The following INPP5A variants were observed in gnomAD, a reference collection of about 807,000 sequenced individuals.
The protein encoded by INPP5A is inositol polyphosphate-5-phosphatase A.
A neutral mutation model predicts 65.2 loss-of-function variants in INPP5A; 14 were observed. The ratio of observed to expected loss-of-function variants is 0.21; its 90% CI spans 0.14 to 0.34. INPP5A has a LOEUF of 0.34. INPP5A is among the 10% of genes least tolerant of loss of function. The pLI, the probability that INPP5A is intolerant of heterozygous loss-of-function variation, is 1.00. For missense variants in INPP5A, 431 were observed against 545.6 expected (o/e 0.79, Z 2.09); for synonymous variants, 207 against 208.3 (o/e 0.99, Z 0.05).
intron 3 of INPP5A, among the ~76,000 whole-genome samples, chr10:132,648,380 G>A (rs1043685014): frequency 3.3e-5 from 5 of 152,372 alleles, no homozygotes; most frequent in South Asian, 2.1e-4. Context: ...AATGTACAGC[G>A]TTATGATTTT....
chr10:132,775,114 G>C (rs867342736), intron 12 of INPP5A, among the ~76,000 whole-genome samples: 2 of 44,238 alleles, frequency 4.5e-5, no homozygotes, highest in Admixed American at 2.5e-4. Flanking sequence ...GCAGGGAGGA[G>C]GGGCAGGGAG....
At chr10:132,581,642 G>A (rs1268514981) in intron 1 of INPP5A, among the ~76,000 whole-genome samples, 1 of 152,162 alleles carries the variant, frequency 6.6e-6, no homozygotes, top group Non-Finnish European at 1.5e-5. Context: ...GGATTAAGGA[G>A]GTGAGCATCT....
chr10:132,570,676 T>G (rs915907935), intron 1 of INPP5A, among the ~76,000 whole-genome samples: 3 of 152,184 alleles, frequency 2.0e-5, no homozygotes, highest in Non-Finnish European at 4.4e-5. Flanking sequence ...ACTTTTTTTT[T>G]TTTGTAAGAA....
intron 9 of INPP5A, among the ~76,000 whole-genome samples, chr10:132,735,491 G>A (rs1025418483): frequency 1.3e-5 from 2 of 152,226 alleles, no homozygotes; most frequent in African/African-American, 2.4e-5. Context: ...GGCGGTGTTG[G>A]TACGAAGGGA....
rs911044751 is a variant in INPP5A at position 132,707,648 on chromosome 10, C to T, written c.475-665C>T. ...CCTCCATGCCATCTCGAGGGGAGCC[C>T]TGCCACCTCTTAAAGAACACCCCTC... On this transcript the variant is annotated intron_variant, in intron 6 of 15. Coordinates refer to ENST00000368594, the MANE Select transcript of INPP5A (RefSeq NM_005539.5). This position sits in a 1 kb window ranked among gnomAD's most constrained non-coding sequence, Gnocchi z 5.5. Among the ~76,000 whole-genome samples, 2 of 152,190 alleles carry T rather than the reference C, an allele frequency of 1.3e-5. No homozygotes were observed. The highest frequency in any genetic ancestry group is 2.9e-5 in the Non-Finnish European group (2 of 68,032).
rs1253826189 is a variant in INPP5A at position 132,663,871 on chromosome 10, C to G, written c.306+13366C>G. On this transcript the variant is annotated intron_variant, in intron 4 of 15. Coordinates refer to ENST00000368594, the MANE Select transcript of INPP5A (RefSeq NM_005539.5). The surrounding 1 kb of genome is among the most constrained non-coding windows in gnomAD (Gnocchi z 4.5). ...CTCCCCCTGTCGCCGGGTGGGAAAT[C>G]CGTAACAGGCTCTGTGGCAAAGGCT... Among the ~76,000 whole-genome samples the G allele has an allele frequency of 2.0e-5, 3 of 152,198 alleles. No homozygotes were observed. The highest frequency in any genetic ancestry group is 4.4e-5 in the Non-Finnish European group (3 of 68,036).
chr10:132,542,505 AC>A (rs2070919509), intron 1 of INPP5A, among the ~76,000 whole-genome samples: 1 of 152,044 alleles, frequency 6.6e-6, no homozygotes, highest in African/African-American at 2.4e-5. Flanking sequence ...CCTCTCTCCC[AC>A]CTTGAAAACT....
intron 4 of INPP5A, among the ~76,000 whole-genome samples, chr10:132,671,207 A>T (rs1029905245): frequency 6.6e-6 from 1 of 152,098 alleles, no homozygotes; most frequent in Non-Finnish European, 1.5e-5. Flanking sequence ...AGTGGGTCAC[A>T]CTGGTGGCCA....
chr10:132,655,843 C>T (rs1314998456), intron 4 of INPP5A, among the ~76,000 whole-genome samples: 1 of 152,244 alleles, frequency 6.6e-6, no homozygotes, highest in Non-Finnish European at 1.5e-5. Context: ...GGCTCTGGTT[C>T]GCTTGTCACC....
At chr10:132,712,210 C>T (rs1279064531) in intron 8 of INPP5A, among the ~76,000 whole-genome samples, 4 of 151,638 alleles carry the variant, frequency 2.6e-5, no homozygotes, top group African/African-American at 7.3e-5. Flanking sequence ...TGTGCCTGTG[C>T]GTGTGTGCAT....
At position 132,637,505 on chromosome 10, in the gene INPP5A, C is replaced by T. The variant is rs2072372236; in HGVS notation, c.118-8363C>T. On this transcript the variant is annotated intron_variant, in intron 2 of 15. Coordinates refer to ENST00000368594, the MANE Select transcript of INPP5A (RefSeq NM_005539.5). This position sits in a 1 kb window ranked among gnomAD's most constrained non-coding sequence, Gnocchi z 4.1. Reference sequence around the variant, plus strand: ...TTGGGTCCCTGATCCTCCAAATGTTCCTCCTTCTCTGCCTGTCTCCCACGG... The same window carrying T: ...TTGGGTCCCTGATCCTCCAAATGTTTCTCCTTCTCTGCCTGTCTCCCACGG... Among the ~76,000 whole-genome samples, 2 of 151,954 alleles carry T rather than the reference C, an allele frequency of 1.3e-5. No homozygotes were observed. The highest frequency in any genetic ancestry group is 2.9e-5 in the Non-Finnish European group (2 of 68,014).
intron 8 of INPP5A, among the ~76,000 whole-genome samples, chr10:132,723,217 A>G (rs1564984158): frequency 1.3e-5 from 2 of 152,232 alleles, no homozygotes; most frequent in African/African-American, 2.4e-5. Flanking sequence ...TCTCGGGAAG[A>G]AGGAGCAGCC....
intron 2 of INPP5A, among the ~76,000 whole-genome samples, chr10:132,628,038 C>T (rs543156578): frequency 2.0e-5 from 3 of 152,186 alleles, no homozygotes; most frequent in Non-Finnish European, 4.4e-5. Context: ...TCAGCAGCTG[C>T]GGATCTACTC....
intron 1 of INPP5A, among the ~76,000 whole-genome samples, chr10:132,579,161 C>G (rs1016148735): frequency 6.6e-6 from 1 of 151,176 alleles, no homozygotes; most frequent in Non-Finnish European, 1.5e-5. Flanking sequence ...AGAGCCGCGC[C>G]GGTTGCGGGC....
At chr10:132,720,953 T>C (rs1161056393) in intron 8 of INPP5A, among the ~76,000 whole-genome samples, 11 of 148,958 alleles carry the variant, frequency 7.4e-5, no homozygotes, top group Non-Finnish European at 1.5e-4. Flanking sequence ...CTGGGCGCCT[T>C]AGACGGCTGT....
At chr10:132,652,917 A>G (rs1281485092) in intron 4 of INPP5A, among the ~76,000 whole-genome samples, 1 of 152,150 alleles carries the variant, frequency 6.6e-6, no homozygotes, top group Non-Finnish European at 1.5e-5. Flanking sequence ...TAGACGCGAA[A>G]CCGACAGGGC....
intron 12 of INPP5A, among the ~76,000 whole-genome samples, chr10:132,774,869 GGC>G (rs1346404116): frequency 3.0e-5 from 3 of 99,108 alleles, no homozygotes; most frequent in South Asian, 3.8e-4. Flanking sequence ...AGGGAGGAGG[GGC>G]AGGGAGGAGA....
chr10:132,655,272 G>A (rs2072640038), intron 4 of INPP5A, among the ~76,000 whole-genome samples: 1 of 152,218 alleles, frequency 6.6e-6, no homozygotes, highest in Admixed American at 6.5e-5. Context: ...GGGAACACAT[G>A]TCCACCCACA....
chr10:132,542,010 G>GT (rs914556111), intron 1 of INPP5A, among the ~76,000 whole-genome samples: 1 of 152,368 alleles, frequency 6.6e-6, no homozygotes, highest in African/African-American at 2.4e-5. Context: ...GATGTGGCTG[G>GT]TTTTTTGACA....
Sources: allele counts gnomAD v4.1 joint callset (sites outside exome capture counted in the v4.1 genomes callset), GRCh38; gene constraint gnomAD v4.1.1; non-coding constraint Gnocchi (gnomAD v3.1); transcripts MANE v1.5; gene names NCBI Gene and HGNC (gene_info 2026-07-23, HGNC 2026-07-21).